The following WDR36 variants were observed in gnomAD, a reference collection of about 807,000 sequenced individuals.
WDR36 encodes the protein WD repeat-containing protein 36.
WDR36 carries 63 observed loss-of-function variants against 112.7 expected under a neutral mutation model. That is an observed-to-expected ratio of 0.56 (90% CI 0.46 to 0.69). The LOEUF is 0.69. Ranked by LOEUF, WDR36 falls within the 30% of genes least tolerant of loss-of-function variation. WDR36 has a pLI of 0.00. For synonymous variants in WDR36, 410 were observed against 362.2 expected (o/e 1.13, Z -1.50); for missense variants, 1,226 against 1,070.3 (o/e 1.15, Z -2.03).
chr5:111,095,106 G>A, intron 2 of WDR36, 159 bp downstream of exon 2: 4 of 676,776 alleles, frequency 5.9e-6, no homozygotes, highest in South Asian at 3.7e-5. Flanking sequence ...GATAAATCAT[G>A]TTTTGCTTTT....
At chr5:111,097,611 A>C (rs1753020974) in intron 3 of WDR36, among the ~76,000 whole-genome samples, 1 of 152,254 alleles carries the variant, frequency 6.6e-6, no homozygotes, top group Admixed American at 6.5e-5. Flanking sequence ...TTTTCTAAAA[A>C]TCAGATGCCT....
intron 4 of WDR36, among the ~76,000 whole-genome samples, chr5:111,099,655 G>C (rs1047341512): frequency 6.6e-6 from 1 of 151,626 alleles, no homozygotes; most frequent in Non-Finnish European, 1.5e-5. Context: ...TACAGGATCT[G>C]GTTCTTACAT....
Position 111,113,064 on chromosome 5 carries a change from T to TA in WDR36, c.1717-8dup, listed in dbSNP as rs1554109027. 1 of 1,104,362 alleles carries TA rather than the reference T, an allele frequency of 9.1e-7. No individual in the cohort carries two copies. Among genetic ancestry groups the TA allele is most frequent in the Non-Finnish European group, 1.2e-6 (1 of 844,124 alleles). The allele number at this position is 1,104,362 out of a possible 1,614,324, so 68.4% of individuals were successfully genotyped here. On this transcript the variant is annotated splice_polypyrimidine_tract_variant and intron_variant, in intron 15 of 22. Transcript: ENST00000513710. ...TATATATATATATATTTTTTTTTTTTAATTTAAAGGCTTTTAGTCCTGATG... is the reference window on the plus strand; with the variant it reads ...TATATATATATATATTTTTTTTTTTTAAATTTAAAGGCTTTTAGTCCTGATG...
rs909728815 is a variant in WDR36, at chr5:111,098,716, T to C, written c.292-6T>C. The C allele has an allele frequency of 1.9e-6, 3 of 1,550,550 alleles. No individual in the cohort carries two copies. The African/African-American group carries it at 4.1e-5, about 21-fold the overall frequency. ...TATGAAATTCTTTTAAACTTCGATG[T>C]TTTAGATAGTACATACCTTTAAGGG... On this transcript the variant is annotated splice_region_variant and splice_polypyrimidine_tract_variant and intron_variant, in intron 3 of 22. Coordinates refer to ENST00000513710, the MANE Select transcript of WDR36 (RefSeq NM_139281.3).
At chr5:111,101,876 A>T (rs919804539) in intron 5 of WDR36, among the ~76,000 whole-genome samples, 6 of 151,828 alleles carry the variant, frequency 4.0e-5, no homozygotes, top group African/African-American at 1.4e-4. Flanking sequence ...TAATGATTTC[A>T]GATACCTCTG....
In WDR36 at chr5:111,103,456, C is replaced by G. The variant is rs138097484; in HGVS notation, c.598-330C>G. Among the ~76,000 whole-genome samples, 719 of 151,776 alleles carry G rather than the reference C, an allele frequency of 4.7e-3. 2 individuals are homozygous for G. Among genetic ancestry groups the G allele is most frequent in the African/African-American group, 0.017 (686 of 41,484 alleles). On this transcript the variant is annotated intron_variant, in intron 6 of 22. Coordinates refer to ENST00000513710, the MANE Select transcript of WDR36 (RefSeq NM_139281.3). ...TCTCCTTTTTCTGTTTCCATCCAGT[C>G]CAGTGATCTGTAGTGATTTTATACA...
Position 111,092,487 on chromosome 5 carries a change from A to T in WDR36, c.31A>T (p.Ser11Cys). The change falls in exon 1 of 23, where the codon AGC (serine) becomes TGC (cysteine). Residue 11 changes from serine to cysteine, a missense_variant. By Grantham distance (112) the Ser-to-Cys change is moderately radical. Transcript: ENST00000513710. ...ACGGGCCTCAGAAAGGCGCACGGCC[A>T]GCGCGCTTTTTGCGGGGTTCCGGGC... MERASERRTA[S>C]ALFAGFRALG... 1 of 1,614,224 alleles carries T rather than the reference A, an allele frequency of 6.2e-7. No homozygotes were observed. The highest frequency in any genetic ancestry group is 8.5e-7 in the Non-Finnish European group (1 of 1,180,036).
chr5:111,104,152 T>G (rs1003743229), intron 7 of WDR36, 25 bp from the exon 8 acceptor site: 3 of 1,593,200 alleles, frequency 1.9e-6, no homozygotes, highest in Non-Finnish European at 2.6e-6. Context: ...AGTATTTTTC[T>G]TAATGTATTT....
chr5:111,105,240 C>T, intron 9 of WDR36, 55 bp from the exon 10 acceptor site: 1 of 1,529,526 alleles, frequency 6.5e-7, no homozygotes, highest in Non-Finnish European at 9.1e-7. Flanking sequence ...TTGTGATTCA[C>T]ATAGTCCCTT....
At chr5:111,102,320 C>A in intron 5 of WDR36, 25 bp from the exon 6 acceptor site, 1 of 1,581,520 alleles carries the variant, frequency 6.3e-7, no homozygotes, top group Non-Finnish European at 8.6e-7. Flanking sequence ...AAAAATACAG[C>A]TTTCAACTAT....
chr5:111,113,042 ATATATATATATTTT>A lies in WDR36; in HGVS notation c.1717-30_1717-17del, dbSNP rs1753374482. On this transcript the variant is annotated intron_variant, in intron 15 of 22. Coordinates refer to ENST00000513710, the MANE Select transcript of WDR36 (RefSeq NM_139281.3). ...ATATATTTATATATAAATAATATAT[ATATATATATATTTT>A]TTTTTTTTAATTTAAAGGCTTTTAG... The A allele has an allele frequency of 7.8e-6, 3 of 385,804 alleles. No individual in the cohort carries two copies. The highest frequency in any genetic ancestry group is 7.5e-6 in the Non-Finnish European group (2 of 265,616). 23.9% of individuals were successfully genotyped at this position (385,804 alleles called of 1,614,324 possible).
At chr5:111,116,654 A>C (rs1306780148) in intron 16 of WDR36, among the ~76,000 whole-genome samples, 1 of 152,182 alleles carries the variant, frequency 6.6e-6, no homozygotes, top group Non-Finnish European at 1.5e-5. Context: ...TGGTAGTTTT[A>C]GGTCTGGGAT....
intron 5 of WDR36, among the ~76,000 whole-genome samples, chr5:111,101,628 A>G (rs987192473): frequency 6.6e-6 from 1 of 151,876 alleles, no homozygotes; most frequent in Non-Finnish European, 1.5e-5. Context: ...TTTGTATAGC[A>G]TTTTAAAAAG....
Position 111,104,759 on chromosome 5 carries a change from T to C in WDR36, c.969T>C (p.Ser323=), listed in dbSNP as rs1371202016. 1 of 1,611,372 alleles carries C rather than the reference T, an allele frequency of 6.2e-7. No individual in the cohort carries two copies. The highest frequency in any genetic ancestry group is 8.5e-7 in the Non-Finnish European group (1 of 1,178,064). The change falls in exon 9 of 23, where the codon AGT becomes AGC. Residue 323 remains serine, a synonymous_variant. Transcript: ENST00000513710. ...TTTTGAGATTCAGAATGGGTCATAG[T>C]GCTCCTCTTACCAATATCAGATATT... ...GRLLRFRMGH[S]APLTNIRYYG...
At chr5:111,095,018 T>G in intron 2 of WDR36, 71 bp downstream of exon 2, 1 of 1,406,478 alleles carries the variant, frequency 7.1e-7, no homozygotes, top group Non-Finnish European at 9.9e-7. Context: ...AATGTGAGAC[T>G]TACAGAGCAT....
At chr5:111,123,034 G>A (rs544666026) in intron 19 of WDR36, among the ~76,000 whole-genome samples, 26 of 152,088 alleles carry the variant, frequency 1.7e-4, no homozygotes, top group African/African-American at 5.5e-4. Flanking sequence ...GCTTGAACCC[G>A]GGAGGCGGAG....
At chr5:111,094,075 T>C (rs1025928033) in intron 1 of WDR36, among the ~76,000 whole-genome samples, 1 of 152,188 alleles carries the variant, frequency 6.6e-6, no homozygotes, top group Non-Finnish European at 1.5e-5. Context: ...TAATTGGGTC[T>C]ACAAGTGCTC....
intron 16 of WDR36, among the ~76,000 whole-genome samples, chr5:111,116,600 A>C (rs1417517229): frequency 8.0e-6 from 1 of 125,078 alleles, no homozygotes; most frequent in East Asian, 2.1e-4. Context: ...AAAAATTGTA[A>C]GGTACCTTGG....
rs113635239 is a variant in WDR36 at position 111,120,543 on chromosome 5, C to G, written c.1952C>G (p.Ala651Gly). 6.2e-7 allele frequency: 1 copy of G among 1,613,088 alleles called. No individual in the cohort carries two copies. The change falls in exon 18 of 23, where the codon GCA becomes GGA. Residue 651 changes from alanine (A) to glycine (G), a missense_variant. Ala to Gly is a moderately conservative substitution (Grantham distance 60). Transcript: ENST00000513710. ...GTTGTTTCATTACGGCCACTTCCTG[C>G]AGATTATGTCCCTTCAATAGTCATG... is the stretch of plus-strand genomic sequence containing the variant. ...YSVVSLRPLP[A>G]DYVPSIVMLP... is the part of the protein sequence containing the mutation.
Sources: allele counts gnomAD v4.1 joint callset (sites outside exome capture counted in the v4.1 genomes callset), GRCh38; gene constraint gnomAD v4.1.1; transcripts MANE v1.5; gene names NCBI Gene and HGNC (gene_info 2026-07-23, HGNC 2026-07-21).